Variants in XKR4 observed in about 807,000 individuals in gnomAD.
The protein encoded by XKR4 is XK related 4, also known as XK-related protein 4.
In XKR4, 12 loss-of-function variants were observed where a neutral mutation model predicts 53.9. The observed-to-expected ratio is 0.22, with a 90% confidence interval of 0.14 to 0.36. XKR4 has a LOEUF of 0.36. Among genes scored for constraint, XKR4 ranks in the 10% least tolerant of loss-of-function variants. The pLI is 1.00. For synonymous variants in XKR4, 354 were observed against 362.4 expected (o/e 0.98, Z 0.26); for missense variants, 799 against 859.5 (o/e 0.93, Z 0.88).
chr8:55,252,169 TC>T (rs1343523738), intron 1 of XKR4, among the ~76,000 whole-genome samples: 1 of 152,240 alleles, frequency 6.6e-6, no homozygotes, highest in East Asian at 1.9e-4. Context: ...ATTCAGTGTG[TC>T]CCAATGGTTT....
chr8:55,539,239 A>G lies in XKR4; in HGVS notation c.*15012A>G, dbSNP rs1025318070. ...ATTCATAAAACTAGACTAGCAAAGC[A>G]GATAATGTTTTCATGATATGGCTTC... is the stretch of plus-strand genomic sequence containing the variant. On this transcript the variant is annotated 3_prime_UTR_variant, in exon 3 of 3. Coordinates refer to ENST00000327381, the MANE Select transcript of XKR4 (RefSeq NM_052898.2). 3.3e-5 allele frequency: 5 copies of G among 152,250 alleles called. No individual in the cohort carries two copies. The highest frequency in any genetic ancestry group is 7.3e-5 in the Non-Finnish European group (5 of 68,042). The allele number at this position is 152,250 out of a possible 1,614,324, so 9.4% of individuals were successfully genotyped here.
chr8:55,505,268 T>A (rs1189503667), intron 2 of XKR4, among the ~76,000 whole-genome samples: 1 of 152,232 alleles, frequency 6.6e-6, no homozygotes, highest in African/African-American at 2.4e-5. Context: ...TGTTTTTTCA[T>A]TTTTATTTGT....
At chr8:55,427,877 A>G (rs181604053) in intron 2 of XKR4, among the ~76,000 whole-genome samples, 254 of 152,330 alleles carry the variant, frequency 1.7e-3, no homozygotes, top group Non-Finnish European at 2.4e-3. Flanking sequence ...ACTCTCTTAT[A>G]GTTTATAATC....
At chr8:55,147,733 T>C (rs1240622371) in intron 1 of XKR4, among the ~76,000 whole-genome samples, 2 of 152,200 alleles carry the variant, frequency 1.3e-5, no homozygotes, top group African/African-American at 2.4e-5. Context: ...AAATTACCAA[T>C]GATGCACGAG....
At chr8:55,300,124 C>A (rs900784029) in intron 1 of XKR4, among the ~76,000 whole-genome samples, 5 of 152,058 alleles carry the variant, frequency 3.3e-5, no homozygotes, top group Non-Finnish European at 7.4e-5. Context: ...ATTGTTCAGG[C>A]ATGTGAAAGG....
intron 2 of XKR4, among the ~76,000 whole-genome samples, chr8:55,432,238 C>T (rs2129393687): frequency 6.6e-6 from 1 of 152,270 alleles, no homozygotes; most frequent in Non-Finnish European, 1.5e-5. Flanking sequence ...GGTTGGAATC[C>T]TGGCTCCACC....
At chr8:55,262,671 C>T (rs190323950) in intron 1 of XKR4, among the ~76,000 whole-genome samples, 6 of 152,302 alleles carry the variant, frequency 3.9e-5, no homozygotes, top group Non-Finnish European at 5.9e-5. Flanking sequence ...TTGAACTTCC[C>T]GGCTTCCAGA....
intron 1 of XKR4, among the ~76,000 whole-genome samples, chr8:55,346,685 A>ATGTGTGTGTG (rs10685965): frequency 0.071 from 9,860 of 138,324 alleles, 621 homozygotes; most frequent in African/African-American, 0.17. Flanking sequence ...TGTTGAGGTT[A>ATGTGTGTGTG]TGTGTGTGTG....
At chr8:55,422,778 T>C (rs563941327) in intron 2 of XKR4, among the ~76,000 whole-genome samples, 8 of 152,212 alleles carry the variant, frequency 5.3e-5, no homozygotes, top group African/African-American at 1.7e-4. Flanking sequence ...AGCATAAAAT[T>C]GGAATAGGAA....
intron 1 of XKR4, among the ~76,000 whole-genome samples, chr8:55,252,513 C>T (rs13259631): frequency 0.14 from 21,193 of 152,154 alleles, 1,919 homozygotes; most frequent in Non-Finnish European, 0.2. Context: ...CAACACAAGA[C>T]GCCGCCCGAC....
intron 1 of XKR4, among the ~76,000 whole-genome samples, chr8:55,340,056 G>A (rs867140688): frequency 7.9e-5 from 12 of 152,150 alleles, no homozygotes; most frequent in Non-Finnish European, 1.5e-4. Flanking sequence ...AAAAGAATAC[G>A]TGTACATGCC....
chr8:55,474,560 A>G (rs1450684798), intron 2 of XKR4, among the ~76,000 whole-genome samples: 1 of 152,164 alleles, frequency 6.6e-6, no homozygotes, highest in Non-Finnish European at 1.5e-5. Flanking sequence ...CTAGTATTTT[A>G]AGATACTCCT....
intron 1 of XKR4, among the ~76,000 whole-genome samples, chr8:55,263,779 G>A (rs747799879): frequency 1.9e-4 from 29 of 152,166 alleles, no homozygotes; most frequent in African/African-American, 2.9e-4. Flanking sequence ...GGGAATCAAC[G>A]TCTTTTTGAA....
At chr8:55,434,214 C>T (rs1805142694) in intron 2 of XKR4, among the ~76,000 whole-genome samples, 1 of 152,168 alleles carries the variant, frequency 6.6e-6, no homozygotes, top group African/African-American at 2.4e-5. Context: ...AAATCTACAG[C>T]ATATTTTCTC....
chr8:55,433,213 A>G (rs1244368931), intron 2 of XKR4, among the ~76,000 whole-genome samples: 2 of 152,232 alleles, frequency 1.3e-5, no homozygotes, highest in African/African-American at 4.8e-5. Flanking sequence ...TCTAAATGCA[A>G]TTGGTTTATA....
intron 2 of XKR4, among the ~76,000 whole-genome samples, chr8:55,481,798 C>T (rs938620382): frequency 1.3e-5 from 2 of 152,084 alleles, no homozygotes; most frequent in African/African-American, 4.8e-5. Context: ...TGAAAAAATG[C>T]TCATCATCAC....
At chr8:55,257,003 C>A (rs1178148200) in intron 1 of XKR4, among the ~76,000 whole-genome samples, 2 of 152,196 alleles carry the variant, frequency 1.3e-5, no homozygotes, top group Admixed American at 1.3e-4. Context: ...CTTTCCACCT[C>A]TTTTGTAAGG....
At chr8:55,438,388 C>A (rs1805209662) in intron 2 of XKR4, among the ~76,000 whole-genome samples, 1 of 151,912 alleles carries the variant, frequency 6.6e-6, no homozygotes, top group Admixed American at 6.6e-5. Flanking sequence ...GAGTTCGAAA[C>A]CAGCCTGGCC....
At chr8:55,168,418 G>A (rs1338501311) in intron 1 of XKR4, among the ~76,000 whole-genome samples, 1 of 152,164 alleles carries the variant, frequency 6.6e-6, no homozygotes, top group Non-Finnish European at 1.5e-5. Flanking sequence ...AAGTACATGA[G>A]AGGCTGAAGG....
Sources: gnomAD v4.1 joint callset for allele counts (sites outside exome capture counted in the v4.1 genomes callset) on GRCh38, gnomAD v4.1.1 for gene constraint, MANE v1.5 for transcripts, NCBI Gene and HGNC (gene_info 2026-07-23, HGNC 2026-07-21) for gene names.